HECW1: variants seen among roughly 807,000 people sequenced by gnomAD.
The protein encoded by HECW1 is E3 ubiquitin-protein ligase HECW1.
A neutral mutation model predicts 182.3 loss-of-function variants in HECW1; 61 were observed. The ratio of observed to expected loss-of-function variants is 0.33; its 90% CI spans 0.27 to 0.41. HECW1 has a LOEUF of 0.41. Ranked by LOEUF, HECW1 falls within the 10% of genes least tolerant of loss-of-function variation. The pLI, the probability that HECW1 is intolerant of heterozygous loss-of-function variation, is 1.00. For missense variants in HECW1, 1,739 were observed against 2,108.9 expected (o/e 0.82, Z 3.44); for synonymous variants, 859 against 832.6 (o/e 1.03, Z -0.55).
intron 3 of HECW1, chr7:43,274,540 C>T: frequency 3.6e-6 from 2 of 559,570 alleles, no homozygotes; most frequent in Non-Finnish European, 6.7e-6. Flanking sequence ...CAAGTGCCGC[C>T]GGGCCACGCT....
chr7:43,140,124 A>G (rs1376974272), intron 2 of HECW1, among the ~76,000 whole-genome samples: 2 of 151,758 alleles, frequency 1.3e-5, no homozygotes, highest in Admixed American at 1.3e-4. Flanking sequence ...TTTGTTTCAT[A>G]TTTTTTCCCC....
intron 2 of HECW1, among the ~76,000 whole-genome samples, chr7:43,127,652 G>A (rs1038566438): frequency 1.4e-4 from 21 of 151,830 alleles, no homozygotes; most frequent in African/African-American, 5.1e-4. Context: ...TTAATCCAGA[G>A]CAAGTCCCTA....
intron 5 of HECW1, among the ~76,000 whole-genome samples, chr7:43,337,377 T>C (rs1009077453): frequency 3.9e-5 from 6 of 152,220 alleles, no homozygotes; most frequent in African/African-American, 1.4e-4. Context: ...TTTAATGTGG[T>C]TGTTTTTTTC....
At chr7:43,319,709 C>G (rs1259521377) in intron 4 of HECW1, among the ~76,000 whole-genome samples, 2 of 138,302 alleles carry the variant, frequency 1.4e-5, no homozygotes, top group African/African-American at 2.7e-5. Flanking sequence ...AAGCGATTCT[C>G]CTGCCTCAAC....
At chr7:43,173,164 C>T (rs1791855955) in intron 2 of HECW1, among the ~76,000 whole-genome samples, 1 of 152,184 alleles carries the variant, frequency 6.6e-6, no homozygotes. Flanking sequence ...TAACAGATCC[C>T]AGGTTTCAGA....
chr7:43,308,338 A>G lies in HECW1; in HGVS notation c.28-3425A>G, dbSNP rs188094197. On this transcript the variant is annotated intron_variant, in intron 3 of 29. Transcript: ENST00000395891. ...TATATTATATGATATATTTATATAT[A>G]TTATATGATATATTTATATATAATA... 6.0e-3 allele frequency among the ~76,000 whole-genome samples: 808 copies of G among 134,562 alleles called. 13 individuals are homozygous for G. Among genetic ancestry groups the G allele is most frequent in the Non-Finnish European group, 8.3e-3 (540 of 64,768 alleles). The allele number at this position is 134,562 out of a possible 152,430, so 88.3% of individuals were successfully genotyped here.
rs772867504 is a variant in HECW1 at position 43,437,996 on chromosome 7, A to G, written c.802-7A>G. The G allele has an allele frequency of 1.2e-6, 2 of 1,613,802 alleles. No individual in the cohort carries two copies. The highest frequency in any genetic ancestry group is 2.7e-5 in the African/African-American group (2 of 74,932). ...GTTAATTGATGTGACATATTCTTTCATTGCAGCAATTCAGTTTTGTGTCCT... is the reference window on the plus strand; with the variant it reads ...GTTAATTGATGTGACATATTCTTTCGTTGCAGCAATTCAGTTTTGTGTCCT... On this transcript the variant is annotated splice_region_variant and splice_polypyrimidine_tract_variant and intron_variant, in intron 8 of 29. Coordinates refer to ENST00000395891, the MANE Select transcript of HECW1 (RefSeq NM_015052.5).
rs183515422 is a variant in HECW1 at position 43,371,975 on chromosome 7, A to G, written c.555+10995A>G. Among the ~76,000 whole-genome samples the G allele has an allele frequency of 1.1e-4, 16 of 152,172 alleles. No homozygotes were observed. The East Asian group carries it at 3.1e-3, about 29-fold the overall frequency. The stretch of plus-strand genomic sequence containing the variant: ...GCTGAGATTACAGGTGCCCACCACC[A>G]CGCCCCGCTAATTTTTTTGTATTTT... On this transcript the variant is annotated intron_variant, in intron 6 of 29. Coordinates refer to ENST00000395891, the MANE Select transcript of HECW1 (RefSeq NM_015052.5).
chr7:43,537,193 C>T (rs1209284734), intron 24 of HECW1, among the ~76,000 whole-genome samples: 2 of 152,168 alleles, frequency 1.3e-5, no homozygotes, highest in Non-Finnish European at 2.9e-5. Flanking sequence ...TCGAACGGGG[C>T]CCTGGGGCCC....
intron 9 of HECW1, among the ~76,000 whole-genome samples, chr7:43,441,019 C>T (rs2076870230): frequency 6.6e-6 from 1 of 152,176 alleles, no homozygotes; most frequent in African/African-American, 2.4e-5. Flanking sequence ...ACAGAGTCAT[C>T]TGAGTAACAA....
At chr7:43,292,240 C>A (rs1465663296) in intron 3 of HECW1, among the ~76,000 whole-genome samples, 3 of 152,146 alleles carry the variant, frequency 2.0e-5, no homozygotes, top group Admixed American at 2.0e-4. Context: ...TGTCCTAAGC[C>A]CCATCACAAC....
At chr7:43,220,266 C>T (rs1172359973) in intron 2 of HECW1, among the ~76,000 whole-genome samples, 1 of 152,202 alleles carries the variant, frequency 6.6e-6, no homozygotes, top group African/African-American at 2.4e-5. Flanking sequence ...CTGGGAGCAC[C>T]TAGAATGCAA....
intron 17 of HECW1, among the ~76,000 whole-genome samples, chr7:43,480,657 G>GTA (rs1262308104): frequency 4.1e-5 from 6 of 148,118 alleles, no homozygotes; most frequent in South Asian, 4.3e-4. Flanking sequence ...GTGTGTGTGT[G>GTA]TATATATATA....
intron 6 of HECW1, among the ~76,000 whole-genome samples, chr7:43,363,090 C>T (rs1816172607): frequency 6.6e-6 from 1 of 152,222 alleles, no homozygotes; most frequent in African/African-American, 2.4e-5. Flanking sequence ...TCCAGATGTT[C>T]ACCTGCTGCT....
At chr7:43,289,820 A>G (rs1805160322) in intron 3 of HECW1, among the ~76,000 whole-genome samples, 1 of 152,226 alleles carries the variant, frequency 6.6e-6, no homozygotes, top group African/African-American at 2.4e-5. Flanking sequence ...AAATCAGTAC[A>G]TGGAAGGTGT....
At chr7:43,502,675 C>T (rs140756619) in intron 21 of HECW1, among the ~76,000 whole-genome samples, 182 of 151,644 alleles carry the variant, frequency 1.2e-3, no homozygotes, top group African/African-American at 4.0e-3. Context: ...AACAAACAAA[C>T]GAAAAAAAAG....
intron 1 of HECW1, among the ~76,000 whole-genome samples, chr7:43,113,396 A>G (rs1049139681): frequency 6.6e-6 from 1 of 151,820 alleles, no homozygotes; most frequent in African/African-American, 2.4e-5. Flanking sequence ...ATTGTGTCCC[A>G]TGCAATGCCC....
At chr7:43,543,781 C>CAA (rs35618213) in intron 26 of HECW1, among the ~76,000 whole-genome samples, 21 of 49,578 alleles carry the variant, frequency 4.2e-4, no homozygotes, top group East Asian at 1.2e-3. Context: ...CTCCATCTCA[C>CAA]AAAAAAAAAA....
At chr7:43,199,725 AAT>A (rs1438673905) in intron 2 of HECW1, among the ~76,000 whole-genome samples, 1 of 152,202 alleles carries the variant, frequency 6.6e-6, no homozygotes, top group Non-Finnish European at 1.5e-5. Context: ...AGTAGAAAAA[AAT>A]ATAGAATTTT....
Sources: gnomAD v4.1 joint callset for allele counts (sites outside exome capture counted in the v4.1 genomes callset) on GRCh38, gnomAD v4.1.1 for gene constraint, MANE v1.5 for transcripts, NCBI Gene and HGNC (gene_info 2026-07-23, HGNC 2026-07-21) for gene names.